The following PIN1 variants were observed in gnomAD, a reference collection of about 807,000 sequenced individuals.
The protein encoded by PIN1 is peptidylprolyl cis/trans isomerase, NIMA-interacting 1.
PIN1 carries 8 observed loss-of-function variants against 19.9 expected under a neutral mutation model. The observed-to-expected ratio is 0.40, with a 90% CI of 0.24 to 0.72. The LOEUF is 0.72. Ranked by LOEUF, PIN1 falls within the 30% of genes least tolerant of loss-of-function variation. The pLI is 0.37. For missense variants in PIN1, 185 were observed against 226.5 expected, an observed-to-expected ratio of 0.82 and a Z score of 1.18; for synonymous variants, 86 against 90.8, an observed-to-expected ratio of 0.95 and a Z score of 0.30.
At chr19:9,849,008 GTC>G in intron 3 of PIN1, 80 bp from the exon 4 acceptor site, 3 of 803,720 alleles carry the variant, frequency 3.7e-6, no homozygotes, top group Middle Eastern at 2.3e-4. Flanking sequence ...AGCCCCATCT[GTC>G]GCGGCTGCCA....
Position 9,849,628 on chromosome 19 carries a change from G to A in PIN1, c.*429G>A, listed in dbSNP as rs781561941. The stretch of plus-strand genomic sequence containing the variant: ...GAACACTCATGCGGCCCAGCCATGG[G>A]CCCTCTGAGCAACTGTGCAGCACCC... On this transcript the variant is annotated 3_prime_UTR_variant, in exon 4 of 4. Coordinates refer to ENST00000247970, the MANE Select transcript of PIN1 (RefSeq NM_006221.4). 4 of 526,296 alleles carry A rather than the reference G, an allele frequency of 7.6e-6. No homozygotes were observed. Among genetic ancestry groups the A allele is most frequent in the Non-Finnish European group, 1.5e-5 (4 of 265,854 alleles). The allele number at this position is 526,296 out of a possible 1,614,324, so 32.6% of individuals were successfully genotyped here.
rs1035034569 is a variant in PIN1, at chr19:9,846,165, C to T, written c.272-1865C>T. Among the ~76,000 whole-genome samples, 4 of 152,204 alleles carry T rather than the reference C, an allele frequency of 2.6e-5. No homozygotes were observed. The highest frequency in any genetic ancestry group is 9.7e-5 in the African/African-American group (4 of 41,448). On this transcript the variant is annotated intron_variant, in intron 2 of 3. Coordinates refer to ENST00000247970, the MANE Select transcript of PIN1 (RefSeq NM_006221.4). This position sits in a 1 kb window ranked among gnomAD's most constrained non-coding sequence, Gnocchi z 5.9. ...GTGGCAGCCCTGGAAGCGGGGCATTCTGATCAAACCAGGGCATCACGGGCA... is the reference window on the plus strand; with the variant it reads ...GTGGCAGCCCTGGAAGCGGGGCATTTTGATCAAACCAGGGCATCACGGGCA...
chr19:9,838,249 G>T lies in PIN1; in HGVS notation c.59-187G>T. The T allele has an allele frequency of 1.2e-5, 8 of 667,768 alleles. No individual in the cohort carries two copies. The South Asian group carries it at 1.3e-4, about 11-fold the overall frequency. 41.4% of individuals were successfully genotyped at this position (667,768 alleles called of 1,614,324 possible). A position where few individuals can be genotyped will look rare whatever the true frequency, so the allele number is the denominator to read the frequency against. On this transcript the variant is annotated intron_variant, in intron 1 of 3. Transcript: ENST00000247970. This position sits in a 1 kb window ranked among gnomAD's most constrained non-coding sequence, Gnocchi z 5.8. ...CACCTAGAATGTTAGCTCTCTAAGG[G>T]CAGGGACTGTATCCTGCCACATTGG...
At chr19:9,836,630 G>A (rs553322939) in intron 1 of PIN1, 1 of 341,556 alleles carries the variant, frequency 2.9e-6, no homozygotes, top group African/African-American at 2.1e-5. Flanking sequence ...ACCCAGTAGG[G>A]TCTTTACTTC....
chr19:9,848,989 G>A (rs1026604164), intron 3 of PIN1, 101 bp from the exon 4 acceptor site: 102 of 722,870 alleles, frequency 1.4e-4, no homozygotes, highest in Middle Eastern at 2.7e-4. Flanking sequence ...GAGGCTCAGC[G>A]CAGGCAGGAG....
chr19:9,844,122 C>T (rs903776688), intron 2 of PIN1, among the ~76,000 whole-genome samples: 2 of 152,278 alleles, frequency 1.3e-5, no homozygotes, highest in South Asian at 4.1e-4. Flanking sequence ...CTAGTTACTT[C>T]CCCAAAGTCC....
chr19:9,835,561 G>A (rs981399981), intron 1 of PIN1, 159 bp downstream of exon 1: 1 of 589,174 alleles, frequency 1.7e-6, no homozygotes, highest in South Asian at 3.1e-5. Flanking sequence ...CCCTGTTGTG[G>A]GGACTGCGAG....
intron 2 of PIN1, among the ~76,000 whole-genome samples, chr19:9,847,808 C>T (rs898473463): frequency 1.2e-4 from 18 of 152,152 alleles, no homozygotes; most frequent in African/African-American, 4.1e-4. Flanking sequence ...TGCTCATGCT[C>T]GTGAAAGGCA....
Position 9,838,084 on chromosome 19 carries a change from G to T in PIN1, c.59-352G>T, listed in dbSNP as rs1480108713. On this transcript the variant is annotated intron_variant, in intron 1 of 3. Coordinates refer to ENST00000247970, the MANE Select transcript of PIN1 (RefSeq NM_006221.4). The surrounding 1 kb of genome is among the most constrained non-coding windows in gnomAD (Gnocchi z 5.8). Reference sequence around the variant, plus strand: ...TTCAGATTTGAATCCAGGTGGCCTGGCTGCTGAGTGCATGGTTTGAGTCAC... The same window carrying T: ...TTCAGATTTGAATCCAGGTGGCCTGTCTGCTGAGTGCATGGTTTGAGTCAC... 2.7e-6 allele frequency: 1 copy of T among 368,300 alleles called. No homozygotes were observed. Among genetic ancestry groups the T allele is most frequent in the Non-Finnish European group, 5.2e-6 (1 of 194,134 alleles). 22.8% of individuals were successfully genotyped at this position (368,300 alleles called of 1,614,324 possible). A position where few individuals can be genotyped will look rare whatever the true frequency, so the allele number is the denominator to read the frequency against.
rs759401271 is a variant in PIN1, at chr19:9,849,525, C to T, written c.*326C>T. ...CCTGGTCAGCAGAGCCGCCCCGTGTCCCCCCAGGTGCTGGAGGCAGACTCG... is the reference window on the plus strand; with the variant it reads ...CCTGGTCAGCAGAGCCGCCCCGTGTTCCCCCAGGTGCTGGAGGCAGACTCG... On this transcript the variant is annotated 3_prime_UTR_variant, in exon 4 of 4. Transcript: ENST00000247970. 4.7e-6 allele frequency: 3 copies of T among 636,326 alleles called. No homozygotes were observed. The highest frequency in any genetic ancestry group is 1.8e-5 in the Admixed American group (1 of 54,896). The allele number at this position is 636,326 out of a possible 1,614,324, so 39.4% of individuals were successfully genotyped here. A position where few individuals can be genotyped will look rare whatever the true frequency, so the allele number is the denominator to read the frequency against.
At chr19:9,848,825 C>T (rs184718377) in intron 3 of PIN1, among the ~76,000 whole-genome samples, 1 of 152,294 alleles carries the variant, frequency 6.6e-6, no homozygotes, top group Non-Finnish European at 1.5e-5. Context: ...ACCGAAGTGG[C>T]CCCTAAATGC....
intron 2 of PIN1, among the ~76,000 whole-genome samples, chr19:9,844,339 G>A (rs145108861): frequency 1.6e-4 from 24 of 152,296 alleles, no homozygotes; most frequent in African/African-American, 5.1e-4. Flanking sequence ...GGCCAGTTGA[G>A]TGAGGCTCCA....
At chr19:9,835,605 A>T (rs2046094602) in intron 1 of PIN1, 6 of 453,716 alleles carry the variant, frequency 1.3e-5, no homozygotes, top group Admixed American at 4.7e-5. Context: ...GAGGAAGCTG[A>T]GGCAGGGGGC....
chr19:9,845,030 C>A (rs1378972564), intron 2 of PIN1, among the ~76,000 whole-genome samples: 1 of 152,104 alleles, frequency 6.6e-6, no homozygotes, highest in Non-Finnish European at 1.5e-5. Flanking sequence ...GGGGGAGGCA[C>A]CTAACACAGT....
At chr19:9,843,250 T>G (rs987776324) in intron 2 of PIN1, among the ~76,000 whole-genome samples, 1 of 152,254 alleles carries the variant, frequency 6.6e-6, no homozygotes, top group Non-Finnish European at 1.5e-5. Context: ...CCTGGGGTCC[T>G]CAAGGTCACT....
At chr19:9,835,825 A>T (rs1295580537) in intron 1 of PIN1, 1 of 195,646 alleles carries the variant, frequency 5.1e-6, no homozygotes, top group Non-Finnish European at 1.0e-5. Context: ...CCCTGCTAAC[A>T]CCCCTACTGT....
At chr19:9,848,454 C>CT (rs1329096318) in intron 3 of PIN1, 1 of 374,070 alleles carries the variant, frequency 2.7e-6, no homozygotes, top group Non-Finnish European at 5.1e-6. Flanking sequence ...CTGCCTCTTC[C>CT]TTTTTGTGGT....
intron 3 of PIN1, chr19:9,848,614 C>T (rs191970732): frequency 1.3e-5 from 3 of 234,512 alleles, no homozygotes; most frequent in Non-Finnish European, 2.5e-5. Context: ...TAGGCCTCCT[C>T]CTCTTCCTCC....
At position 9,849,582 on chromosome 19, in the gene PIN1, C is replaced by T; in HGVS notation, c.*383C>T. On this transcript the variant is annotated 3_prime_UTR_variant, in exon 4 of 4. Coordinates refer to ENST00000247970, the MANE Select transcript of PIN1 (RefSeq NM_006221.4). ...GAATTGTTTCTAGTTAGGCCACGCT[C>T]CTCTGTTCAGTCGCAAAGGTGAACA... 1.8e-6 allele frequency: 1 copy of T among 554,648 alleles called. No individual in the cohort carries two copies. Among genetic ancestry groups the T allele is most frequent in the South Asian group, 1.4e-5 (1 of 71,884 alleles). The allele number at this position is 554,648 out of a possible 1,614,324, so 34.4% of individuals were successfully genotyped here.
Sources: allele counts gnomAD v4.1 joint callset (sites outside exome capture counted in the v4.1 genomes callset), GRCh38; gene constraint gnomAD v4.1.1; non-coding constraint Gnocchi (gnomAD v3.1); transcripts MANE v1.5; gene names NCBI Gene and HGNC (gene_info 2026-07-23, HGNC 2026-07-21).